PPP1R37: variants seen among roughly 807,000 people sequenced by gnomAD.
PPP1R37 encodes protein phosphatase 1 regulatory subunit 37.
Under a neutral mutation model 61.0 loss-of-function variants are expected in PPP1R37, and 21 were observed. The observed-to-expected ratio is 0.34, with a 90% CI of 0.24 to 0.50. The LOEUF is 0.50. PPP1R37 is among the 20% of genes least tolerant of loss of function. The pLI is 0.98. For missense variants in PPP1R37, 910 were observed against 952.7 expected (o/e 0.96, Z 0.59); for synonymous variants, 443 against 433.5 (o/e 1.02, Z -0.27).
At chr19:45,111,278 TTATTA>T (rs1968196789) in intron 1 of PPP1R37, among the ~76,000 whole-genome samples, 1 of 151,396 alleles carries the variant, frequency 6.6e-6, no homozygotes, top group African/African-American at 2.4e-5. Context: ...ATTATTATTA[TTATTA>T]TTTTTAATTG....
Position 45,145,796 on chromosome 19 carries a change from G to A in PPP1R37, c.1740G>A (p.Arg580=), listed in dbSNP as rs1354841488. 3 of 1,501,372 alleles carry A rather than the reference G, an allele frequency of 2.0e-6. No individual in the cohort carries two copies. Among genetic ancestry groups the A allele is most frequent in the Admixed American group, 2.1e-5 (1 of 48,778 alleles). The allele number at this position is 1,501,372 out of a possible 1,614,324, so 93.0% of individuals were successfully genotyped here. The change falls in exon 11 of 13, where the codon AGG becomes AGA. Residue 580 remains arginine (R), a synonymous_variant. Coordinates refer to ENST00000221462, the MANE Select transcript of PPP1R37 (RefSeq NM_019121.2). ...CCCGGGTGGAGAGCCCGCCCGAGAG[G>A]GCAGAGCCCCCTGCGTCCCCCACCC... is the stretch of plus-strand genomic sequence containing the variant. ...VVTRVESPPE[R]AEPPASPTPP...
intron 1 of PPP1R37, among the ~76,000 whole-genome samples, chr19:45,094,188 T>G (rs1967961799): frequency 6.6e-6 from 1 of 152,192 alleles, no homozygotes; most frequent in Non-Finnish European, 1.5e-5. Flanking sequence ...CTCACTACAT[T>G]GCCCAGGCTG....
chr19:45,139,588 G>A (rs986932903), intron 2 of PPP1R37, among the ~76,000 whole-genome samples: 1 of 152,258 alleles, frequency 6.6e-6, no homozygotes, highest in African/African-American at 2.4e-5. Flanking sequence ...AAGCAACCAC[G>A]CTCCTTGTCC....
intron 8 of PPP1R37, 188 bp downstream of exon 8, chr19:45,143,821 C>T: frequency 2.0e-6 from 1 of 493,466 alleles, no homozygotes; most frequent in South Asian, 2.6e-5. Context: ...AGGAGGAGCC[C>T]TTCTTTCATT....
chr19:45,145,879 G>T lies in PPP1R37; in HGVS notation c.1823G>T (p.Gly608Val). ...GCCTCACCTTCCCTACCACCAGCCGGGGCCATTGACACCCGGGACACAGGG... is the reference window on the plus strand; with the variant it reads ...GCCTCACCTTCCCTACCACCAGCCGTGGCCATTGACACCCGGGACACAGGG... ...PPASPSLPPA[G>V]AIDTRDTGSS... The change falls in exon 11 of 13, where the codon GGG becomes GTG. Residue 608 changes from glycine (G) to valine (V), a missense_variant. Physicochemically the swap from Gly to Val is moderately radical, Grantham distance 109. Around this residue, in one of 3 missense-constraint regions of PPP1R37, gnomAD observed 549 missense variants for 505.1 expected, o/e 1.09. Coordinates refer to ENST00000221462, the MANE Select transcript of PPP1R37 (RefSeq NM_019121.2). The T allele has an allele frequency of 7.7e-7, 1 of 1,300,852 alleles. No homozygotes were observed. Among genetic ancestry groups the T allele is most frequent in the Non-Finnish European group, 1.0e-6 (1 of 1,000,904 alleles). 80.6% of individuals were successfully genotyped at this position (1,300,852 alleles called of 1,614,324 possible).
chr19:45,143,855 G>C (rs149448322), intron 8 of PPP1R37: 2 of 401,564 alleles, frequency 5.0e-6, no homozygotes, highest in Non-Finnish European at 9.1e-6. Flanking sequence ...TTTTGAGACC[G>C]AGTCTCATCC....
chr19:45,106,613 G>A (rs1005943965), intron 1 of PPP1R37, among the ~76,000 whole-genome samples: 2 of 151,974 alleles, frequency 1.3e-5, no homozygotes, highest in African/African-American at 4.8e-5. Context: ...CTAGCTCACT[G>A]CAGCCTCCAC....
intron 8 of PPP1R37, chr19:45,144,262 C>G (rs759240963): frequency 2.6e-5 from 4 of 152,350 alleles, no homozygotes; most frequent in Non-Finnish European, 5.9e-5. Flanking sequence ...ATCCACCCTC[C>G]TCGGCCTCCC....
intron 1 of PPP1R37, among the ~76,000 whole-genome samples, chr19:45,131,502 T>G (rs534303569): frequency 6.6e-6 from 1 of 152,360 alleles, no homozygotes; most frequent in South Asian, 2.1e-4. Flanking sequence ...CAGGTGTCTT[T>G]TCTTCTCCCA....
chr19:45,125,645 G>A (rs1968395575), intron 1 of PPP1R37, among the ~76,000 whole-genome samples: 1 of 152,198 alleles, frequency 6.6e-6, no homozygotes, highest in Non-Finnish European at 1.5e-5. Flanking sequence ...ACCGGCTGTG[G>A]CTGGCTCTGT....
intron 1 of PPP1R37, among the ~76,000 whole-genome samples, chr19:45,104,089 G>A (rs1224501556): frequency 1.3e-5 from 2 of 151,840 alleles, no homozygotes; most frequent in Non-Finnish European, 2.9e-5. Context: ...AGACGCAGGC[G>A]CCTTTGCCCA....
Position 45,105,685 on chromosome 19 carries a change from A to C in PPP1R37, c.202+12158A>C, listed in dbSNP as rs1968121558. On this transcript the variant is annotated intron_variant, in intron 1 of 12. Coordinates refer to ENST00000221462, the MANE Select transcript of PPP1R37 (RefSeq NM_019121.2). ...TTCTGTCACGGGCTTGGGATCCTTG[A>C]TTCCCGGCCCGGTTCTGCCTACTAT... is the stretch of plus-strand genomic sequence containing the variant. Among the ~76,000 whole-genome samples the C allele has an allele frequency of 2.0e-5, 3 of 152,022 alleles. No individual in the cohort carries two copies. The South Asian group carries it at 6.2e-4, about 32-fold the overall frequency.
chr19:45,117,861 T>A (rs368556166), intron 1 of PPP1R37, among the ~76,000 whole-genome samples: 3 of 152,206 alleles, frequency 2.0e-5, no homozygotes, highest in Admixed American at 6.5e-5. Context: ...TCCTTGGCAT[T>A]GTTGACTCAG....
At chr19:45,128,567 A>G in intron 1 of PPP1R37, 1 of 1,265,602 alleles carries the variant, frequency 7.9e-7, no homozygotes, top group Non-Finnish European at 1.1e-6. Flanking sequence ...AGCCTCTTAA[A>G]ATGGCAGATG....
chr19:45,093,184 CT>C lies in PPP1R37; in HGVS notation c.-141del. The C allele has an allele frequency of 1.5e-6, 1 of 665,796 alleles. No individual in the cohort carries two copies. The highest frequency in any genetic ancestry group is 2.2e-6 in the Non-Finnish European group (1 of 458,412). 41.2% of individuals were successfully genotyped at this position (665,796 alleles called of 1,614,324 possible). ...GCGCTTGGGCTCCCGGCGGCGACGA[CT>C]ACGACCACTAGGAGAGCGGACGGAG... On this transcript the variant is annotated 5_prime_UTR_variant, in exon 1 of 13. Transcript: ENST00000221462.
At chr19:45,134,384 G>A (rs917555005) in intron 1 of PPP1R37, among the ~76,000 whole-genome samples, 3 of 152,186 alleles carry the variant, frequency 2.0e-5, no homozygotes, top group East Asian at 1.9e-4. Flanking sequence ...TGCATTGGAA[G>A]TGCTGGGGAT....
At chr19:45,115,299 C>A (rs755178423) in intron 1 of PPP1R37, among the ~76,000 whole-genome samples, 1 of 152,114 alleles carries the variant, frequency 6.6e-6, no homozygotes. Flanking sequence ...GGATATTGAA[C>A]GCCTTAAACT....
intron 10 of PPP1R37, 32 bp from the exon 11 acceptor site, chr19:45,145,321 C>A: frequency 6.6e-7 from 1 of 1,524,618 alleles, no homozygotes; most frequent in African/African-American, 1.4e-5. Context: ...TGGGGCCGGC[C>A]TGAGAGCCCT....
intron 11 of PPP1R37, 164 bp downstream of exon 11, chr19:45,146,213 G>T (rs1290760035): frequency 2.1e-6 from 2 of 955,444 alleles, no homozygotes; most frequent in African/African-American, 3.3e-5. Context: ...CTTCCCTTGG[G>T]TCCTGGGAGC....
Sources: allele counts gnomAD v4.1 joint callset (sites outside exome capture counted in the v4.1 genomes callset), GRCh38; gene constraint gnomAD v4.1.1; regional missense constraint gnomAD v4.1.1; transcripts MANE v1.5; gene names NCBI Gene and HGNC (gene_info 2026-07-23, HGNC 2026-07-21).